Variants in ANKLE2 observed in about 807,000 individuals in gnomAD.
ANKLE2 encodes the protein ankyrin repeat and LEM domain containing 2, also known as ankyrin repeat and LEM domain-containing protein 2.
ANKLE2 carries 55 observed loss-of-function variants against 84.2 expected under a neutral mutation model. The ratio of observed to expected loss-of-function variants is 0.65; its 90% confidence interval spans 0.53 to 0.82. ANKLE2 has a LOEUF of 0.82. Ranked by LOEUF, ANKLE2 falls within the 40% of genes least tolerant of loss-of-function variation. The pLI is 0.00. For missense variants in ANKLE2, 1,238 were observed against 1,201.9 expected, an observed-to-expected ratio of 1.03 and a Z score of -0.44; for synonymous variants, 551 against 486.1, an observed-to-expected ratio of 1.13 and a Z score of -1.76.
intron 8 of ANKLE2, among the ~76,000 whole-genome samples, 164 bp from the exon 9 acceptor site, chr12:132,735,676 G>T (rs1037307326): frequency 6.6e-6 from 1 of 152,204 alleles, no homozygotes; most frequent in Non-Finnish European, 1.5e-5. Context: ...CTGTGGCATG[G>T]CTGAGTGGCC....
rs76166367 is a variant in ANKLE2, at chr12:132,727,187, A to G, written c.*55T>C. The G allele has an allele frequency of 5.2e-4, 767 of 1,464,338 alleles. 3 individuals carry two copies. In the African/African-American group the frequency reaches 9.3e-3, roughly 18 times the overall value. 90.7% of individuals were successfully genotyped at this position (1,464,338 alleles called of 1,614,324 possible). ...CCTTTTTGACAGTTTAGCAATAAACATATGACCCTTCCTTCTTTAAAAATG... is the reference window on the plus strand; with the variant it reads ...CCTTTTTGACAGTTTAGCAATAAACGTATGACCCTTCCTTCTTTAAAAATG... On this transcript the variant is annotated 3_prime_UTR_variant, in exon 13 of 13. Transcript: ENST00000357997.
chr12:132,739,464 A>G (rs1324099052), intron 7 of ANKLE2, among the ~76,000 whole-genome samples: 1 of 152,208 alleles, frequency 6.6e-6, no homozygotes, highest in Non-Finnish European at 1.5e-5. Flanking sequence ...TCAGTGGCAC[A>G]GGAAAAGAAG....
Position 132,751,385 on chromosome 12 carries a change from G to A in ANKLE2, c.641-536C>T, listed in dbSNP as rs118065490. The A allele has an allele frequency of 4.1e-3, 613 of 150,292 alleles. 21 individuals are homozygous for A. In the East Asian group the frequency reaches 0.087, roughly 21 times the overall value. The allele number at this position is 150,292 out of a possible 1,614,324, so 9.3% of individuals were successfully genotyped here. On this transcript the variant is annotated intron_variant, in intron 2 of 12. Coordinates refer to ENST00000357997, the MANE Select transcript of ANKLE2 (RefSeq NM_015114.3). Reference sequence around the variant, plus strand: ...CAGCCTCCCGAGTAGCTGGGATTATGGGCATCCGCCACCATGCCTAATTTT... The same window carrying A: ...CAGCCTCCCGAGTAGCTGGGATTATAGGCATCCGCCACCATGCCTAATTTT...
At position 132,726,908 on chromosome 12, in the gene ANKLE2, G is replaced by T; in HGVS notation, c.*334C>A. 1 of 288,424 alleles carries T rather than the reference G, an allele frequency of 3.5e-6. No homozygotes were observed. The highest frequency in any genetic ancestry group is 6.5e-6 in the Non-Finnish European group (1 of 153,812). The allele number at this position is 288,424 out of a possible 1,614,324, so 17.9% of individuals were successfully genotyped here. A position where few individuals can be genotyped will look rare whatever the true frequency, so the allele number is the denominator to read the frequency against. ...GTCTGTCGGATGAGGTGAGTACAGGGTAAGTACAGGGCTGCCTGCCTGCAA... is the reference window on the plus strand; with the variant it reads ...GTCTGTCGGATGAGGTGAGTACAGGTTAAGTACAGGGCTGCCTGCCTGCAA... On this transcript the variant is annotated 3_prime_UTR_variant, in exon 13 of 13. Transcript: ENST00000357997.
chr12:132,753,656 C>A (rs2044410452), intron 2 of ANKLE2, among the ~76,000 whole-genome samples: 1 of 152,082 alleles, frequency 6.6e-6, no homozygotes, highest in Admixed American at 6.6e-5. Context: ...CCTGTAGTTC[C>A]CAGCTACTCA....
intron 1 of ANKLE2, 145 bp downstream of exon 1, chr12:132,761,473 C>T: frequency 1.4e-6 from 1 of 723,246 alleles, no homozygotes; most frequent in Non-Finnish European, 1.9e-6. Context: ...CCGGAATGGC[C>T]TTTCCCGACC....
intron 2 of ANKLE2, among the ~76,000 whole-genome samples, chr12:132,753,068 G>A (rs903439898): frequency 7.9e-5 from 12 of 152,054 alleles, no homozygotes; most frequent in Admixed American, 2.6e-4. Flanking sequence ...CCAGCACTTC[G>A]GGAGGCTGAG....
intron 5 of ANKLE2, among the ~76,000 whole-genome samples, chr12:132,744,914 T>C (rs1468767055): frequency 6.6e-6 from 1 of 152,194 alleles, no homozygotes; most frequent in Non-Finnish European, 1.5e-5. Context: ...TCTCCTGACC[T>C]CGTGATCCGC....
Position 132,746,087 on chromosome 12 carries a change from G to A in ANKLE2, c.1230+1745C>T, listed in dbSNP as rs151011660. Among the ~76,000 whole-genome samples, 642 of 152,306 alleles carry A rather than the reference G, an allele frequency of 4.2e-3. 13 individuals carry two copies. The East Asian group carries it at 0.065, about 15-fold the overall frequency. ...TTAGTGGCCAGGCACGGTGGCTCAC[G>A]CCCGTAATCCCAGCACTCTGGGAGG... On this transcript the variant is annotated intron_variant, in intron 5 of 12. Coordinates refer to ENST00000357997, the MANE Select transcript of ANKLE2 (RefSeq NM_015114.3).
intron 10 of ANKLE2, chr12:132,731,550 C>G (rs1365887827): frequency 6.6e-6 from 1 of 151,946 alleles, no homozygotes; most frequent in African/African-American, 2.4e-5. Flanking sequence ...ACAGTTTAAA[C>G]TGTATATCTG....
intron 2 of ANKLE2, 181 bp from the exon 3 acceptor site, chr12:132,751,030 C>T (rs970618206): frequency 1.3e-5 from 8 of 602,000 alleles, no homozygotes; most frequent in Admixed American, 3.0e-5. Flanking sequence ...TTAACAAGCT[C>T]GACAGTGTGC....
intron 7 of ANKLE2, among the ~76,000 whole-genome samples, chr12:132,740,542 C>T (rs117646359): frequency 0.04 from 6,086 of 151,988 alleles, 242 homozygotes; most frequent in Admixed American, 0.12. Flanking sequence ...GAATGGAATC[C>T]GAGAGAGAGG....
Position 132,730,180 on chromosome 12 carries a change from T to A in ANKLE2, c.1982A>T (p.Asn661Ile). ...IKNRQNAARN[N>I]SPPTVGAFGH... ...AAAAGCACCGACTGTGGGCGGGCTGTTATTTCGAGCTGCATTTTGCCGATT... is the reference window on the plus strand; with the variant it reads ...AAAAGCACCGACTGTGGGCGGGCTGATATTTCGAGCTGCATTTTGCCGATT... Residue 661 changes from asparagine (N) to isoleucine (I), a missense_variant, in exon 11 of 13, where the codon AAC becomes ATC. Around this residue, in one of 3 missense-constraint regions of ANKLE2, gnomAD observed 802 missense variants for 774.5 expected, o/e 1.04. Transcript: ENST00000357997. The A allele has an allele frequency of 6.2e-7, 1 of 1,606,784 alleles. No individual in the cohort carries two copies. The highest frequency in any genetic ancestry group is 8.5e-7 in the Non-Finnish European group (1 of 1,175,966).
At chr12:132,733,941 C>A in intron 10 of ANKLE2, 1 of 456,966 alleles carries the variant, frequency 2.2e-6, no homozygotes, top group South Asian at 1.5e-5. Context: ...CTGCTCAAAG[C>A]GATGCCATTA....
In ANKLE2 at chr12:132,753,743, AAAAACAAAAC is replaced by A. The variant is rs916940122; in HGVS notation, c.640+922_640+931del. Among the ~76,000 whole-genome samples, 8 of 151,992 alleles carry A rather than the reference AAAAACAAAAC, an allele frequency of 5.3e-5. No homozygotes were observed. In the East Asian group the frequency reaches 1.2e-3, roughly 22 times the overall value. The stretch of plus-strand genomic sequence containing the variant: ...GTGACAGTGCGAGACTCTGTCTCAA[AAAAACAAAAC>A]AAAACAAAACAAAAAAAAACCATAA... On this transcript the variant is annotated intron_variant, in intron 2 of 12. Transcript: ENST00000357997.
At chr12:132,731,511 CACAG>C (rs1227813840) in intron 10 of ANKLE2, 11 of 149,284 alleles carry the variant, frequency 7.4e-5, no homozygotes, top group Non-Finnish European at 1.2e-4. Context: ...CACAAACTCA[CACAG>C]ACACACACTC....
At chr12:132,735,543 G>T in intron 8 of ANKLE2, 31 bp from the exon 9 acceptor site, 5 of 1,577,450 alleles carry the variant, frequency 3.2e-6, no homozygotes, top group Non-Finnish European at 4.3e-6. Context: ...ATTGAGCCGT[G>T]TCAGGCACTG....
In ANKLE2 at chr12:132,735,559, C is replaced by T. The variant is rs1286984661; in HGVS notation, c.1594-47G>A. 9.2e-6 allele frequency: 14 copies of T among 1,515,448 alleles called. No homozygotes were observed. The South Asian group carries it at 1.5e-4, about 16-fold the overall frequency. The allele number at this position is 1,515,448 out of a possible 1,614,324, so 93.9% of individuals were successfully genotyped here. On this transcript the variant is annotated intron_variant, in intron 8 of 12. Coordinates refer to ENST00000357997, the MANE Select transcript of ANKLE2 (RefSeq NM_015114.3). ...TTGAGCCGTGTCAGGCACTGCGCCC[C>T]TCAGCTGCGGAAACCTGAAGAGCCG...
chr12:132,735,752 TG>T lies in ANKLE2; in HGVS notation c.1594-241del, dbSNP rs61648690. The stretch of plus-strand genomic sequence containing the variant: ...CTTTCTTGCAGCCCCGTCTGGGCTG[TG>T]AGGTTCAGAACCAGGAGGGCCCGAG... On this transcript the variant is annotated intron_variant, in intron 8 of 12. Coordinates refer to ENST00000357997, the MANE Select transcript of ANKLE2 (RefSeq NM_015114.3). 0.056 allele frequency among the ~76,000 whole-genome samples: 8,557 copies of T among 152,174 alleles called. 320 individuals carry two copies. The highest frequency in any genetic ancestry group is 0.11 in the East Asian group (551 of 5,170).
Sources: gnomAD v4.1 joint callset for allele counts (sites outside exome capture counted in the v4.1 genomes callset) on GRCh38, gnomAD v4.1.1 for gene constraint, gnomAD v4.1.1 regional missense constraint, MANE v1.5 for transcripts, NCBI Gene and HGNC (gene_info 2026-07-23, HGNC 2026-07-21) for gene names.